The following ARSB variants were observed in gnomAD, a reference collection of about 807,000 sequenced individuals.
ARSB encodes arylsulfatase B, also known as N-acetylgalactosamine-4-sulfatase.
Under a neutral mutation model 50.9 loss-of-function variants are expected in ARSB, and 41 were observed. That is an observed-to-expected ratio of 0.81 (90% CI 0.63 to 1.04). The LOEUF (loss-of-function observed/expected upper bound fraction) is 1.04. ARSB is among the 50% of genes least tolerant of loss of function. The probability of loss-of-function intolerance (pLI) is 0.00; values close to 1 mark genes in which losing one functional copy is unlikely to be tolerated. For synonymous variants in ARSB, 269 were observed against 284.8 expected (o/e 0.94, Z 0.56); for missense variants, 672 against 693.3 (o/e 0.97, Z 0.35).
intron 1 of ARSB, among the ~76,000 whole-genome samples, chr5:78,972,256 C>T (rs1728660290): frequency 6.6e-6 from 1 of 152,164 alleles, no homozygotes; most frequent in Admixed American, 6.5e-5. Context: ...CTATCTGCCT[C>T]TCTCCTTCTA....
rs1748828897 is a variant in ARSB at position 78,778,362 on chromosome 5, T to C, written c.*2035A>G. On this transcript the variant is annotated 3_prime_UTR_variant, in exon 8 of 8. Transcript: ENST00000264914. ...CTCATTTTAATACAATACAGGTTAG[T>C]AGTGACCAGAAAATATTGCTACTGA... 1 of 152,216 alleles carries C rather than the reference T, an allele frequency of 6.6e-6. No homozygotes were observed. The highest frequency in any genetic ancestry group is 2.4e-5 in the African/African-American group (1 of 41,454). 9.4% of individuals were successfully genotyped at this position (152,216 alleles called of 1,614,324 possible).
intron 6 of ARSB, among the ~76,000 whole-genome samples, chr5:78,806,621 T>C (rs946436972): frequency 1.3e-5 from 2 of 152,222 alleles, no homozygotes; most frequent in African/African-American, 4.8e-5. Context: ...CCCTGCGCTT[T>C]GCAGGTGGCC....
rs145183531 is a variant in ARSB at position 78,978,089 on chromosome 5, A to G, written c.312+6848T>C. 2.7e-3 allele frequency among the ~76,000 whole-genome samples: 405 copies of G among 152,360 alleles called. 3 individuals carry two copies. The highest frequency in any genetic ancestry group is 9.1e-3 in the African/African-American group (378 of 41,584). ...TGTGGTGGCTCACGTCTATAATCCC[A>G]ACACTTTGGGAGGCCAAGGCAGGTG... is the stretch of plus-strand genomic sequence containing the variant. On this transcript the variant is annotated intron_variant, in intron 1 of 7. Transcript: ENST00000264914.
At chr5:78,786,867 A>G (rs1339064154) in intron 6 of ARSB, among the ~76,000 whole-genome samples, 1 of 152,130 alleles carries the variant, frequency 6.6e-6, no homozygotes, top group African/African-American at 2.4e-5. Context: ...CCAGCCTTCC[A>G]AAGTGCTGGG....
intron 4 of ARSB, among the ~76,000 whole-genome samples, chr5:78,946,022 G>A (rs1032084548): frequency 1.3e-5 from 2 of 152,198 alleles, no homozygotes; most frequent in Non-Finnish European, 2.9e-5. Flanking sequence ...TTTCCTAAGG[G>A]AGCAATATGT....
At chr5:78,848,045 ATTT>A (rs1269785177) in intron 5 of ARSB, among the ~76,000 whole-genome samples, 4 of 150,420 alleles carry the variant, frequency 2.7e-5, no homozygotes, top group African/African-American at 9.7e-5. Context: ...TTTAGCGTGA[ATTT>A]TTTTATTTTA....
intron 5 of ARSB, chr5:78,884,191 T>C (rs1747895296): frequency 6.6e-6 from 1 of 152,222 alleles, no homozygotes; most frequent in South Asian, 2.1e-4. Flanking sequence ...TCTGGAAATG[T>C]GGGTGCAGTG....
At chr5:78,870,199 G>C (rs560915367) in intron 5 of ARSB, among the ~76,000 whole-genome samples, 1 of 147,592 alleles carries the variant, frequency 6.8e-6, no homozygotes, top group Non-Finnish European at 1.5e-5. Flanking sequence ...AAGAGTCCAG[G>C]ACCAGAAGGA....
chr5:78,925,064 T>G (rs1382655445), intron 4 of ARSB, among the ~76,000 whole-genome samples: 1 of 152,226 alleles, frequency 6.6e-6, no homozygotes, highest in African/African-American at 2.4e-5. Context: ...GCTGTTTATG[T>G]CTGCTCCTGT....
At chr5:78,888,047 C>T (rs377534188) in intron 4 of ARSB, among the ~76,000 whole-genome samples, 57 of 152,302 alleles carry the variant, frequency 3.7e-4, no homozygotes, top group East Asian at 1.5e-3. Context: ...TTCTGTGCTT[C>T]TCGAAAGGGA....
intron 4 of ARSB, among the ~76,000 whole-genome samples, chr5:78,907,172 C>T (rs899969683): frequency 6.6e-6 from 1 of 152,166 alleles, no homozygotes; most frequent in African/African-American, 2.4e-5. Flanking sequence ...CCCAGCTAGA[C>T]CTTGATGGAG....
intron 4 of ARSB, among the ~76,000 whole-genome samples, chr5:78,915,035 T>G (rs916523004): frequency 2.6e-5 from 4 of 152,232 alleles, no homozygotes; most frequent in African/African-American, 9.6e-5. Flanking sequence ...TGGGCTACTT[T>G]CTTTAGTTTT....
intron 4 of ARSB, among the ~76,000 whole-genome samples, chr5:78,939,480 T>C (rs1441873810): frequency 1.3e-5 from 2 of 152,108 alleles, no homozygotes; most frequent in African/African-American, 2.4e-5. Flanking sequence ...TCCCTTCCTG[T>C]GTCCATGTTT....
In ARSB at chr5:78,800,581, G is replaced by A. The variant is rs1043488270; in HGVS notation, c.1214-18607C>T. On this transcript the variant is annotated intron_variant, in intron 6 of 7. Coordinates refer to ENST00000264914, the MANE Select transcript of ARSB (RefSeq NM_000046.5). ...CCATGTTTAAGAAACTGTATAAGGT[G>A]TCACAGGAATTACAGAAAAACATTA... is the stretch of plus-strand genomic sequence containing the variant. Among the ~76,000 whole-genome samples, 38 of 152,294 alleles carry A rather than the reference G, an allele frequency of 2.5e-4. 1 individual carries two copies. Among genetic ancestry groups the A allele is most frequent in the Non-Finnish European group, 5.1e-4 (35 of 68,028 alleles).
At chr5:78,867,288 G>C (rs866009077) in intron 5 of ARSB, among the ~76,000 whole-genome samples, 2 of 151,448 alleles carry the variant, frequency 1.3e-5, no homozygotes, top group East Asian at 1.9e-4. Flanking sequence ...CAAAGCAGCC[G>C]GGAAGCTCGA....
chr5:78,833,040 C>A (rs537479272), intron 6 of ARSB, among the ~76,000 whole-genome samples: 2 of 152,272 alleles, frequency 1.3e-5, no homozygotes, highest in African/African-American at 4.8e-5. Context: ...CCGGCACCTG[C>A]AGGATAGGTG....
intron 4 of ARSB, among the ~76,000 whole-genome samples, chr5:78,939,919 TTCTCCACA>T (rs1750823030): frequency 1.3e-5 from 2 of 152,234 alleles, no homozygotes; most frequent in Non-Finnish European, 1.5e-5. Context: ...GTGTTCCTAT[TTCTCCACA>T]TCCTCTCCAG....
chr5:78,972,544 C>CACACACAT (rs1554088554), intron 1 of ARSB, among the ~76,000 whole-genome samples: 2 of 147,524 alleles, frequency 1.4e-5, no homozygotes, highest in Non-Finnish European at 3.0e-5. Context: ...CACACACACA[C>CACACACAT]CCCAAATCAA....
rs543366561 is a variant in ARSB, at chr5:78,858,701, GAA to G, written c.1143-19277_1143-19276del. ...ATACTTTCTGAGAAGAAATTTTGAA[GAA>G]AAAAAATAACCCCAGTTACTAATGA... On this transcript the variant is annotated intron_variant, in intron 5 of 7. Coordinates refer to ENST00000264914, the MANE Select transcript of ARSB (RefSeq NM_000046.5). Among the ~76,000 whole-genome samples the G allele has an allele frequency of 1.1e-3, 164 of 151,962 alleles. 2 individuals carry two copies. The highest frequency in any genetic ancestry group is 3.6e-3 in the African/African-American group (149 of 41,464).
Sources: gnomAD v4.1 joint callset for allele counts (sites outside exome capture counted in the v4.1 genomes callset) on GRCh38, gnomAD v4.1.1 for gene constraint, MANE v1.5 for transcripts, NCBI Gene and HGNC (gene_info 2026-07-23, HGNC 2026-07-21) for gene names.